Variants in LRRTM4 observed in about 807,000 individuals in gnomAD.
LRRTM4 encodes the protein leucine rich repeat transmembrane neuronal 4.
In LRRTM4, 25 loss-of-function variants were observed where a neutral mutation model predicts 47.6. The ratio of observed to expected loss-of-function variants is 0.53; its 90% CI spans 0.38 to 0.73. LRRTM4 has a LOEUF of 0.73. Among genes scored for constraint, LRRTM4 ranks in the 30% least tolerant of loss-of-function variants. The pLI is 0.00. For missense variants in LRRTM4, 638 were observed against 713.4 expected (o/e 0.89, Z 1.20); for synonymous variants, 311 against 269.5 (o/e 1.15, Z -1.51).
Position 77,080,224 on chromosome 2 carries a change from T to G in LRRTM4, c.1552-331308A>C, listed in dbSNP as rs1377588474. Among the ~76,000 whole-genome samples the G allele has an allele frequency of 2.6e-5, 4 of 152,322 alleles. No homozygotes were observed. The East Asian group carries it at 7.7e-4, about 29-fold the overall frequency. ...TCTGTACTTGGCTTCTAGAATTCTA[T>G]GTACATCTGATTTCCCCCTTACATA... On this transcript the variant is annotated intron_variant, in intron 3 of 3. Coordinates refer to ENST00000409884, the MANE Select transcript of LRRTM4 (RefSeq NM_001134745.3).
At chr2:77,431,925 T>C (rs1675394075) in intron 3 of LRRTM4, among the ~76,000 whole-genome samples, 1 of 151,636 alleles carries the variant, frequency 6.6e-6, no homozygotes, top group South Asian at 2.1e-4. Flanking sequence ...AATACAAAAA[T>C]TAGCCGGGCA....
intron 3 of LRRTM4, among the ~76,000 whole-genome samples, chr2:76,913,449 T>A (rs11903703): frequency 1.3e-5 from 2 of 152,042 alleles, no homozygotes; most frequent in African/African-American, 4.8e-5. Context: ...AACCTTTACA[T>A]TGAAAATGTT....
At chr2:77,244,286 A>C (rs980221640) in intron 3 of LRRTM4, among the ~76,000 whole-genome samples, 7 of 146,570 alleles carry the variant, frequency 4.8e-5, no homozygotes, top group African/African-American at 1.8e-4. Context: ...GTATATACCC[A>C]GTAATGGGAT....
intron 3 of LRRTM4, among the ~76,000 whole-genome samples, chr2:76,802,536 A>G (rs989381509): frequency 2.6e-5 from 4 of 152,098 alleles, no homozygotes; most frequent in Non-Finnish European, 4.4e-5. Context: ...AAAAATGTCT[A>G]TACTACTACA....
At position 77,232,387 on chromosome 2, in the gene LRRTM4, T is replaced by C. The variant is rs188664310; in HGVS notation, c.1551+285931A>G. ...ATTCTACTTAACATGTATCTTTCCA[T>C]GTTATTCTTGAAAAGTGTGACGTCC... On this transcript the variant is annotated intron_variant, in intron 3 of 3. Coordinates refer to ENST00000409884, the MANE Select transcript of LRRTM4 (RefSeq NM_001134745.3). Among the ~76,000 whole-genome samples, 73 of 152,336 alleles carry C rather than the reference T, an allele frequency of 4.8e-4. 1 individual carries two copies. The East Asian group carries it at 0.012, about 25-fold the overall frequency.
chr2:76,803,646 T>A (rs1432353057), intron 3 of LRRTM4, among the ~76,000 whole-genome samples: 1 of 152,122 alleles, frequency 6.6e-6, no homozygotes, highest in Non-Finnish European at 1.5e-5. Flanking sequence ...AAGAGTAATT[T>A]TTTAAAGAGT....
At chr2:77,477,797 C>A (rs1355326604) in intron 3 of LRRTM4, among the ~76,000 whole-genome samples, 1 of 143,040 alleles carries the variant, frequency 7.0e-6, no homozygotes, top group Non-Finnish European at 1.5e-5. Context: ...CCAGATCGCA[C>A]CATCACACTC....
chr2:76,801,672 A>G (rs372911418), intron 3 of LRRTM4, among the ~76,000 whole-genome samples: 6 of 152,098 alleles, frequency 3.9e-5, no homozygotes, highest in African/African-American at 1.4e-4. Flanking sequence ...AATAAAAAAA[A>G]AAGAAAAGTA....
intron 3 of LRRTM4, among the ~76,000 whole-genome samples, chr2:77,488,223 T>A (rs1255300966): frequency 6.6e-6 from 1 of 152,018 alleles, no homozygotes; most frequent in African/African-American, 2.4e-5. Context: ...CACCACCACA[T>A]TCCCCGGTGC....
intron 2 of LRRTM4, among the ~76,000 whole-genome samples, 195 bp downstream of exon 2, chr2:77,521,473 T>C (rs1558783689): frequency 2.2e-5 from 3 of 139,412 alleles, no homozygotes; most frequent in Admixed American, 1.4e-4. Flanking sequence ...TGTGCATTTA[T>C]AGATTAAAAA....
intron 3 of LRRTM4, among the ~76,000 whole-genome samples, chr2:77,242,132 A>G (rs1675284884): frequency 6.6e-6 from 1 of 152,166 alleles, no homozygotes; most frequent in Admixed American, 6.5e-5. Flanking sequence ...GTTGCTTCAG[A>G]TTCCATATAA....
At chr2:76,920,009 G>C (rs1171791551) in intron 3 of LRRTM4, among the ~76,000 whole-genome samples, 2 of 151,896 alleles carry the variant, frequency 1.3e-5, no homozygotes, top group Admixed American at 1.3e-4. Flanking sequence ...AGCTAGCCCA[G>C]TGTTTTACAT....
At chr2:76,780,772 C>G (rs1397348638) in intron 3 of LRRTM4, among the ~76,000 whole-genome samples, 1 of 151,978 alleles carries the variant, frequency 6.6e-6, no homozygotes, top group African/African-American at 2.4e-5. Context: ...CAAAGTCATT[C>G]TCCATCCAGC....
At chr2:76,972,610 G>C (rs566431556) in intron 3 of LRRTM4, among the ~76,000 whole-genome samples, 134 of 151,774 alleles carry the variant, frequency 8.8e-4, no homozygotes, top group South Asian at 1.7e-3. Context: ...AGTAGAGATG[G>C]TTTTCACCAT....
At position 77,483,118 on chromosome 2, in the gene LRRTM4, C is replaced by CAAAAAAAAAAAAA. The variant is rs776265725; in HGVS notation, c.1551+35187_1551+35199dup. ...CCTAGGAGGCAGAGCAAGACTGTCT[C>CAAAAAAAAAAAAA]AAAAAAAAAAAAAAAAAAAAAAAAA... On this transcript the variant is annotated intron_variant, in intron 3 of 3. Transcript: ENST00000409884. Among the ~76,000 whole-genome samples the CAAAAAAAAAAAAA allele has an allele frequency of 3.6e-4, 22 of 60,594 alleles. 2 individuals are homozygous for CAAAAAAAAAAAAA. In the East Asian group the frequency reaches 4.6e-3, roughly 13 times the overall value. The allele number at this position is 60,594 out of a possible 152,430, so 39.8% of individuals were successfully genotyped here. A position where few individuals can be genotyped will look rare whatever the true frequency, so the allele number is the denominator to read the frequency against.
At chr2:76,820,977 A>T (rs1054706440) in intron 3 of LRRTM4, among the ~76,000 whole-genome samples, 1 of 151,728 alleles carries the variant, frequency 6.6e-6, no homozygotes, top group African/African-American at 2.4e-5. Context: ...TTGCATTGAA[A>T]TTAAACTGGT....
chr2:76,767,879 A>G (rs1393296345), intron 3 of LRRTM4, among the ~76,000 whole-genome samples: 3 of 152,346 alleles, frequency 2.0e-5, no homozygotes, highest in South Asian at 4.1e-4. Flanking sequence ...TCAGAATGAC[A>G]CGCAAACCAT....
chr2:77,488,101 A>T (rs1677997722), intron 3 of LRRTM4, among the ~76,000 whole-genome samples: 2 of 152,182 alleles, frequency 1.3e-5, no homozygotes, highest in Non-Finnish European at 2.9e-5. Context: ...GGAAGAGAGA[A>T]GGAGAGAGGA....
At chr2:77,097,693 A>G (rs2103903141) in intron 3 of LRRTM4, among the ~76,000 whole-genome samples, 1 of 152,226 alleles carries the variant, frequency 6.6e-6, no homozygotes, top group South Asian at 2.1e-4. Flanking sequence ...TGGTACTAAA[A>G]CTAAATTGTT....
Sources: gnomAD v4.1 joint callset for allele counts (sites outside exome capture counted in the v4.1 genomes callset) on GRCh38, gnomAD v4.1.1 for gene constraint, MANE v1.5 for transcripts, NCBI Gene and HGNC (gene_info 2026-07-23, HGNC 2026-07-21) for gene names.